TTN: variants seen among roughly 807,000 people sequenced by gnomAD.
TTN encodes the protein titin, also known as connectin.
A neutral mutation model predicts 3,223.0 loss-of-function variants in TTN; 1,525 were observed. The observed-to-expected ratio is 0.47, with a 90% CI of 0.45 to 0.49. TTN has a LOEUF of 0.49. TTN is among the 20% of genes least tolerant of loss of function. The pLI is 0.00. For missense variants in TTN, 40,786 were observed against 43,424.0 expected (o/e 0.94, Z 5.40); for synonymous variants, 14,094 against 15,161.0 (o/e 0.93, Z 5.17).
rs2048136288 is a variant in TTN, at chr2:178,583,063, T to C, written c.65740A>G (p.Met21914Val). The C allele has an allele frequency of 6.2e-7, 1 of 1,611,430 alleles. No individual in the cohort carries two copies. Among genetic ancestry groups the C allele is most frequent in the Admixed American group, 1.7e-5 (1 of 59,806 alleles). The change falls in exon 313 of 363, where the codon ATG becomes GTG. Residue 21914 changes from methionine (M) to valine (V), a missense_variant. Physicochemically the swap from Met to Val is conservative, Grantham distance 21. Coordinates refer to ENST00000589042, the MANE Select transcript of TTN (RefSeq NM_001267550.2). ...LKPAEGIKMAMQRNLCTLELF... is the reference protein window; with the variant it reads ...LKPAEGIKMAVQRNLCTLELF... ...TCCAAGGTGCACAGATTCCGCTGCA[T>C]GGCCATCTTTATGCCTTCTGCTGGT...
chr2:178,590,948 G>A lies in TTN; in HGVS notation c.60777C>T (p.Asp20259=), dbSNP rs1357445286. ...ENKIGVGPPL[D]STPTVAKHKF... ...TATGCTTAGCAACAGTAGGTGTGGA[G>A]TCAAGGGGAGGACCAACACCTATCT... Residue 20259 remains aspartate, a synonymous_variant, in exon 304 of 363, where the codon GAC becomes GAT. Coordinates refer to ENST00000589042, the MANE Select transcript of TTN (RefSeq NM_001267550.2). 1.9e-6 allele frequency: 3 copies of A among 1,613,250 alleles called. No individual in the cohort carries two copies. The highest frequency in any genetic ancestry group is 2.7e-5 in the African/African-American group (2 of 74,880).
Position 178,651,337 on chromosome 2 carries a change from A to T in TTN, c.39548-17T>A. On this transcript the variant is annotated splice_polypyrimidine_tract_variant and intron_variant, in intron 207 of 362. Coordinates refer to ENST00000589042, the MANE Select transcript of TTN (RefSeq NM_001267550.2). Reference sequence around the variant, plus strand: ...CTTCAGGCACTTCAAATATATTAGTATTTTAACATTAGAAACAATCACCAG... The same window carrying T: ...CTTCAGGCACTTCAAATATATTAGTTTTTTAACATTAGAAACAATCACCAG... 1 of 1,610,854 alleles carries T rather than the reference A, an allele frequency of 6.2e-7. No individual in the cohort carries two copies. Among genetic ancestry groups the T allele is most frequent in the African/African-American group, 1.3e-5 (1 of 74,852 alleles).
rs762307700 is a variant in TTN at position 178,584,346 on chromosome 2, A to G, written c.65205T>C (p.Tyr21735=). 1.2e-6 allele frequency: 2 copies of G among 1,612,282 alleles called. No individual in the cohort carries two copies. Among genetic ancestry groups the G allele is most frequent in the Non-Finnish European group, 1.7e-6 (2 of 1,178,680 alleles). ...GGCTGGATCCAGCTTTGTTTAGGGCATAGATTCTGAATGAATACTCAAGAC... is the reference window on the plus strand; with the variant it reads ...GGCTGGATCCAGCTTTGTTTAGGGCGTAGATTCTGAATGAATACTCAAGAC... The part of the protein sequence containing the change: ...VEGLEYSFRI[Y]ALNKAGSSPP... Residue 21735 remains tyrosine (Y), a synonymous_variant, in exon 311 of 363, where the codon TAT becomes TAC. Transcript: ENST00000589042.
intron 137 of TTN, 65 bp downstream of exon 137, chr2:178,681,311 G>A: frequency 6.6e-7 from 1 of 1,504,674 alleles, no homozygotes; most frequent in South Asian, 1.2e-5. Flanking sequence ...AGACGGGCTA[G>A]GAAGACATGA....
chr2:178,769,798 T>C lies in TTN; in HGVS notation c.8783A>G (p.Lys2928Arg). 6.2e-7 allele frequency: 1 copy of C among 1,614,098 alleles called. No individual in the cohort carries two copies. Among genetic ancestry groups the C allele is most frequent in the East Asian group, 2.2e-5 (1 of 44,880 alleles). Residue 2928 changes from lysine (K) to arginine (R), a missense_variant, in exon 37 of 363, where the codon AAG becomes AGG. Lys to Arg is a conservative substitution (Grantham distance 26). Transcript: ENST00000589042. ...ATGGAGTTTTCCCTGCACAACTATCTTGAACTTTTCACTCATCTCAATTTC... is the reference window on the plus strand; with the variant it reads ...ATGGAGTTTTCCCTGCACAACTATCCTGAACTTTTCACTCATCTCAATTTC... ...GVEIEMSEKF[K>R]IVVQGKLHQL... is the part of the protein sequence containing the mutation.
rs770691573 is a variant in TTN at position 178,757,574 on chromosome 2, G to C, written c.10646C>G (p.Thr3549Ser). Residue 3549 changes from threonine (T) to serine (S), a missense_variant, in exon 45 of 363, where the codon ACT becomes AGT. Transcript: ENST00000589042. ...AGTCACTGTGAGTGTAGCTGCACAA[G>C]TGGCTTCCCCAGCACTATTGGCTGC... ...CKAANSAGEATCAATLTVTPK... is the reference protein window; with the variant it reads ...CKAANSAGEASCAATLTVTPK... The C allele has an allele frequency of 6.3e-7, 1 of 1,595,854 alleles. No individual in the cohort carries two copies. Among genetic ancestry groups the C allele is most frequent in the South Asian group, 1.1e-5 (1 of 88,816 alleles).
chr2:178,576,672 T>C lies in TTN; in HGVS notation c.69572A>G (p.Lys23191Arg). Reference protein sequence around the residue: ...KKSLRWVRAIKTPVSDLRCKV... With the variant: ...KKSLRWVRAIRTPVSDLRCKV... The stretch of plus-strand genomic sequence containing the variant: ...GCACCTGAGATCGGAAACTGGTGTT[T>C]TTATTGCTCTCACCCATCGCAGGCT... Residue 23191 changes from lysine (K) to arginine (R), a missense_variant, in exon 325 of 363, where the codon AAA becomes AGA. By Grantham distance (26) the Lys-to-Arg change is conservative. Transcript: ENST00000589042. The surrounding 1 kb of genome is among the most constrained non-coding windows in gnomAD (Gnocchi z 4.3). 8.7e-6 allele frequency: 14 copies of C among 1,613,520 alleles called. No homozygotes were observed. Among genetic ancestry groups the C allele is most frequent in the Non-Finnish European group, 1.2e-5 (14 of 1,179,602 alleles).
rs1382315455 is a variant in TTN, at chr2:178,714,416, A to C, written c.26358T>G (p.Ser8786=). ...GTAAGGTTGCAATGTTTTCTGAATA[A>C]GAAATCCATATGTTGTCACTTTCTC... is the stretch of plus-strand genomic sequence containing the variant. ...IVRESDNIWI[S]YSENIATLQF... Residue 8786 remains serine (S), a synonymous_variant, in exon 91 of 363, where the codon TCT becomes TCG. Coordinates refer to ENST00000589042, the MANE Select transcript of TTN (RefSeq NM_001267550.2). The C allele has an allele frequency of 6.2e-7, 1 of 1,613,786 alleles. No homozygotes were observed. The highest frequency in any genetic ancestry group is 8.5e-7 in the Non-Finnish European group (1 of 1,179,760).
intron 112 of TTN, among the ~76,000 whole-genome samples, 183 bp from the exon 113 acceptor site, chr2:178,697,351 A>G (rs2154284544): frequency 6.6e-6 from 1 of 152,288 alleles, no homozygotes; most frequent in Non-Finnish European, 1.5e-5. Flanking sequence ...TAGAAATGCT[A>G]TGCAAGGCCA....
In TTN at chr2:178,554,184, T is replaced by C; in HGVS notation, c.88927A>G (p.Thr29643Ala). 1 of 1,609,122 alleles carries C rather than the reference T, an allele frequency of 6.2e-7. No homozygotes were observed. Among genetic ancestry groups the C allele is most frequent in the East Asian group, 2.2e-5 (1 of 44,832 alleles). Reference protein sequence around the residue: ...TPGPPGIPEVTKITKNSMTVV... With the variant: ...TPGPPGIPEVAKITKNSMTVV... ...GTCATCGAATTCTTGGTAATCTTTGTCACTTCTGGTATGCCTGGTGGCCCA... is the reference window on the plus strand; with the variant it reads ...GTCATCGAATTCTTGGTAATCTTTGCCACTTCTGGTATGCCTGGTGGCCCA... Residue 29643 changes from threonine (T) to alanine (A), a missense_variant, in exon 333 of 363, where the codon ACA becomes GCA. By Grantham distance (58) the Thr-to-Ala change is moderately conservative. Coordinates refer to ENST00000589042, the MANE Select transcript of TTN (RefSeq NM_001267550.2).
At chr2:178,762,268 A>C (rs1017234372) in intron 43 of TTN, among the ~76,000 whole-genome samples, 1 of 152,252 alleles carries the variant, frequency 6.6e-6, no homozygotes, top group Non-Finnish European at 1.5e-5. Context: ...AATTTCTTTC[A>C]TATAGAAAAC....
rs201724962 is a variant in TTN at position 178,571,628 on chromosome 2, T to C, written c.74504A>G (p.Tyr24835Cys). The C allele has an allele frequency of 3.8e-5, 62 of 1,613,222 alleles. No homozygotes were observed. Among genetic ancestry groups the C allele is most frequent in the Admixed American group, 6.7e-5 (4 of 59,956 alleles). ...ATTATTGATAGAACTTCCACCATCA[T>C]ACTTGGGTGGGCCCCAGGAAAGAGT... ...SITLSWGPPK[Y>C]DGGSSINNYI... Residue 24835 changes from tyrosine to cysteine, a missense_variant, in exon 326 of 363, where the codon TAT becomes TGT. Tyr to Cys is a radical substitution (Grantham distance 194). Coordinates refer to ENST00000589042, the MANE Select transcript of TTN (RefSeq NM_001267550.2).
intron 47 of TTN, chr2:178,742,829 T>C (rs2082732019): frequency 6.6e-6 from 1 of 152,088 alleles, no homozygotes; most frequent in South Asian, 2.1e-4. Context: ...ATTTGGTGAC[T>C]TCACTTGCAT....
chr2:178,565,296 C>A lies in TTN; in HGVS notation c.80836G>T (p.Asp26946Tyr), dbSNP rs571011004. 4 of 1,613,622 alleles carry A rather than the reference C, an allele frequency of 2.5e-6. No homozygotes were observed. The East Asian group carries it at 8.9e-5, about 36-fold the overall frequency. ...VLHIKEGNKD[D>Y]FGKYTVTATN... Reference sequence around the variant, plus strand: ...GCCGTTACGGTGTATTTTCCAAAGTCATCTTTGTTACCTTCTTTAATGTGC... The same window carrying A: ...GCCGTTACGGTGTATTTTCCAAAGTAATCTTTGTTACCTTCTTTAATGTGC... The change falls in exon 326 of 363, where the codon GAC becomes TAC. Residue 26946 changes from aspartate to tyrosine, a missense_variant. Asp to Tyr is a radical substitution (Grantham distance 160). Coordinates refer to ENST00000589042, the MANE Select transcript of TTN (RefSeq NM_001267550.2).
chr2:178,533,458 A>T lies in TTN; in HGVS notation c.103157T>A (p.Val34386Glu). 6.2e-7 allele frequency: 1 copy of T among 1,613,556 alleles called. No homozygotes were observed. Among genetic ancestry groups the T allele is most frequent in the Non-Finnish European group, 8.5e-7 (1 of 1,179,614 alleles). Reference protein sequence around the residue: ...EGQSVCFEIRVSGIPPPTLKW... With the variant: ...EGQSVCFEIRESGIPPPTLKW... Reference sequence around the variant, plus strand: ...TAATGTTGGTGGGGGGATGCCAGACACTCTGATCTCAAAGCAGACACTTTG... The same window carrying T: ...TAATGTTGGTGGGGGGATGCCAGACTCTCTGATCTCAAAGCAGACACTTTG... Residue 34386 changes from valine (V) to glutamate (E), a missense_variant, in exon 358 of 363, where the codon GTG becomes GAG. Val to Glu is a moderately radical substitution (Grantham distance 121). Transcript: ENST00000589042.
Position 178,634,106 on chromosome 2 carries a change from G to A in TTN, c.42416-23C>T. 6.2e-7 allele frequency: 1 copy of A among 1,609,878 alleles called. No individual in the cohort carries two copies. Among genetic ancestry groups the A allele is most frequent in the Non-Finnish European group, 8.5e-7 (1 of 1,178,914 alleles). On this transcript the variant is annotated intron_variant, in intron 230 of 362. Coordinates refer to ENST00000589042, the MANE Select transcript of TTN (RefSeq NM_001267550.2). The surrounding 1 kb of genome is among the most constrained non-coding windows in gnomAD (Gnocchi z 4.6). ...TACCTGAAATGCAAGCATAGATAAT[G>A]CCTCAGAAACACAATTCACCTTCAG...
In TTN at chr2:178,561,741, C is replaced by T; in HGVS notation, c.84391G>A (p.Ala28131Thr). The T allele has an allele frequency of 6.2e-7, 1 of 1,612,986 alleles. No homozygotes were observed. Among genetic ancestry groups the T allele is most frequent in the Non-Finnish European group, 8.5e-7 (1 of 1,179,344 alleles). Residue 28131 changes from alanine to threonine, a missense_variant, in exon 326 of 363, where the codon GCA becomes ACA. Transcript: ENST00000589042. ...TGSEYQFRVC[A>T]ENRYGKSSYS... ...GAGCTCTTTCCATAGCGGTTTTCTG[C>T]ACAAACACGGAACTGATACTCACTT...
chr2:178,605,283 A>G lies in TTN; in HGVS notation c.53894T>C (p.Ile17965Thr), dbSNP rs1420788773. 6.3e-7 allele frequency: 1 copy of G among 1,583,402 alleles called. No homozygotes were observed. The highest frequency in any genetic ancestry group is 8.6e-7 in the Non-Finnish European group (1 of 1,165,556). ...VIQDDEVPPT[I>T]KLRLSVRGDT... The stretch of plus-strand genomic sequence containing the variant: ...TCCTCGAACACTCAGACGCAACTTA[A>G]TAGTTGGAGGCACTGCAAAGAGAAG... Residue 17965 changes from isoleucine (I) to threonine (T), a missense_variant, in exon 280 of 363, where the codon ATT (isoleucine) becomes ACT (threonine). By Grantham distance (89) the Ile-to-Thr change is moderately conservative. Coordinates refer to ENST00000589042, the MANE Select transcript of TTN (RefSeq NM_001267550.2).
Position 178,603,885 on chromosome 2 carries a change from C to T in TTN, c.54802G>A (p.Asp18268Asn), listed in dbSNP as rs776957882. 2 of 1,582,268 alleles carry T rather than the reference C, an allele frequency of 1.3e-6. No individual in the cohort carries two copies. The highest frequency in any genetic ancestry group is 1.2e-5 in the South Asian group (1 of 86,874). The stretch of plus-strand genomic sequence containing the variant: ...ACGGAAGCATACTTACATATGGGAT[C>T]TCCTGCAACCTCTGGATCTGATGGT... The part of the protein sequence containing the change: ...SEPSDPEVAG[D>N]PIFPPGPPSC... The change falls in exon 282 of 363, where the codon GAT (aspartate) becomes AAT (asparagine). Residue 18268 changes from aspartate to asparagine, a missense_variant. Physicochemically the swap from Asp to Asn is conservative, Grantham distance 23. Transcript: ENST00000589042.
Sources: gnomAD v4.1 joint callset for allele counts (sites outside exome capture counted in the v4.1 genomes callset) on GRCh38, gnomAD v4.1.1 for gene constraint, Gnocchi (gnomAD v3.1) non-coding constraint, MANE v1.5 for transcripts, NCBI Gene and HGNC (gene_info 2026-07-23, HGNC 2026-07-21) for gene names.